The following CPEB3 variants were observed in gnomAD, a reference collection of about 807,000 sequenced individuals.
CPEB3 encodes the protein cytoplasmic polyadenylation element-binding protein 3.
In CPEB3, 20 loss-of-function variants were observed where a neutral mutation model predicts 67.2. The ratio of observed to expected loss-of-function variants is 0.30; its 90% confidence interval spans 0.21 to 0.43. CPEB3 has a LOEUF of 0.43. CPEB3 is among the 20% of genes least tolerant of loss of function. The pLI, the probability that CPEB3 is intolerant of heterozygous loss-of-function variation, is 1.00. For missense variants in CPEB3, 746 were observed against 968.6 expected, an observed-to-expected ratio of 0.77 and a Z score of 3.05; for synonymous variants, 376 against 393.1, an observed-to-expected ratio of 0.96 and a Z score of 0.51.
intron 8 of CPEB3, among the ~76,000 whole-genome samples, chr10:92,091,203 G>T (rs547695554): frequency 6.6e-6 from 1 of 152,142 alleles, no homozygotes; most frequent in African/African-American, 2.4e-5. Flanking sequence ...AGTGGCAACA[G>T]TAACTTTTTT....
At chr10:92,183,407 T>C (rs1389882746) in intron 3 of CPEB3, among the ~76,000 whole-genome samples, 2 of 152,172 alleles carry the variant, frequency 1.3e-5, no homozygotes, top group Non-Finnish European at 2.9e-5. Flanking sequence ...TCAGAACCTA[T>C]AATAGGAAAA....
rs78393283 is a variant in CPEB3 at position 92,237,503 on chromosome 10, G to A, written c.1005+1843C>T. On this transcript the variant is annotated intron_variant, in intron 2 of 9. Transcript: ENST00000265997. ...ACTCCTCGTCAATATCAGGTTTGAC[G>A]AAACTATGTGGATTTAATCTCTCCC... 3.3e-3 allele frequency among the ~76,000 whole-genome samples: 499 copies of A among 152,248 alleles called. 3 individuals carry two copies. The highest frequency in any genetic ancestry group is 0.011 in the African/African-American group (476 of 41,528).
chr10:92,274,064 T>C (rs1028424910), intron 1 of CPEB3, among the ~76,000 whole-genome samples: 3 of 152,226 alleles, frequency 2.0e-5, no homozygotes, highest in African/African-American at 4.8e-5. Context: ...TTATACTTTC[T>C]GACGTCAGCT....
chr10:92,185,449 T>C (rs749850450), intron 3 of CPEB3, among the ~76,000 whole-genome samples: 17 of 152,252 alleles, frequency 1.1e-4, no homozygotes, highest in Non-Finnish European at 2.2e-4. Flanking sequence ...ATAAGCTCAA[T>C]TCACATTCAT....
At chr10:92,167,677 C>G (rs942707574) in intron 4 of CPEB3, among the ~76,000 whole-genome samples, 4 of 152,160 alleles carry the variant, frequency 2.6e-5, no homozygotes, top group African/African-American at 9.7e-5. Context: ...GAAGCCGAAG[C>G]AGGTGAATCA....
At chr10:92,140,587 A>G (rs1183897298) in intron 6 of CPEB3, among the ~76,000 whole-genome samples, 47 of 151,722 alleles carry the variant, frequency 3.1e-4, no homozygotes, top group Non-Finnish European at 6.3e-4. Context: ...CTTCATGTCT[A>G]AAACAGCAAA....
At chr10:92,084,392 T>A (rs773461285) in intron 8 of CPEB3, among the ~76,000 whole-genome samples, 3 of 152,156 alleles carry the variant, frequency 2.0e-5, no homozygotes, top group African/African-American at 4.8e-5. Flanking sequence ...TATGAACTTA[T>A]ATGTAGTTGC....
intron 6 of CPEB3, among the ~76,000 whole-genome samples, chr10:92,116,252 T>TAAA (rs1208917572): frequency 2.1e-5 from 3 of 145,882 alleles, no homozygotes; most frequent in African/African-American, 7.5e-5. Flanking sequence ...CACCTTCCAG[T>TAAA]AAAAAAAAAA....
At chr10:92,125,443 T>C (rs997019833) in intron 6 of CPEB3, among the ~76,000 whole-genome samples, 5 of 152,192 alleles carry the variant, frequency 3.3e-5, no homozygotes, top group Non-Finnish European at 7.3e-5. Context: ...GCTGTGCTCA[T>C]TGCACAGCAG....
chr10:92,252,717 G>A (rs1451721522), intron 1 of CPEB3, among the ~76,000 whole-genome samples: 1 of 151,710 alleles, frequency 6.6e-6, no homozygotes, highest in Admixed American at 6.6e-5. Flanking sequence ...TGAGGGTTTT[G>A]CCGTGTTGCC....
chr10:92,199,598 C>T (rs531983088), intron 2 of CPEB3, among the ~76,000 whole-genome samples: 50 of 145,234 alleles, frequency 3.4e-4, no homozygotes, highest in African/African-American at 1.2e-3. Flanking sequence ...GCAGGAGAAT[C>T]GCTTGAACCT....
intron 1 of CPEB3, among the ~76,000 whole-genome samples, chr10:92,241,948 G>GT (rs1851869183): frequency 6.6e-6 from 1 of 152,090 alleles, no homozygotes; most frequent in East Asian, 1.9e-4. Flanking sequence ...ATCTTTCTCA[G>GT]GACACTTGTG....
At chr10:92,062,837 A>AT (rs1842406687) in intron 9 of CPEB3, among the ~76,000 whole-genome samples, 1 of 152,222 alleles carries the variant, frequency 6.6e-6, no homozygotes, top group East Asian at 1.9e-4. Context: ...TAAAGCTCAA[A>AT]TATTAGAGTC....
chr10:92,227,569 C>T (rs1240189325), intron 2 of CPEB3, among the ~76,000 whole-genome samples: 4 of 151,916 alleles, frequency 2.6e-5, no homozygotes, highest in Non-Finnish European at 5.9e-5. Context: ...CTGGTTACAA[C>T]ATCTTTATTT....
intron 6 of CPEB3, among the ~76,000 whole-genome samples, chr10:92,128,317 T>C (rs1254863088): frequency 6.6e-6 from 1 of 152,218 alleles, no homozygotes; most frequent in African/African-American, 2.4e-5. Flanking sequence ...TGATAGCTGA[T>C]AGGCTAAAAA....
At chr10:92,227,646 A>G (rs1475454663) in intron 2 of CPEB3, among the ~76,000 whole-genome samples, 1 of 144,354 alleles carries the variant, frequency 6.9e-6, no homozygotes, top group Non-Finnish European at 1.5e-5. Context: ...GCTGGAGTGC[A>G]GTGGCGCGAT....
chr10:92,050,512 CATT>C lies in CPEB3; in HGVS notation c.*1697_*1699del, dbSNP rs1841863637. The C allele has an allele frequency of 1.3e-5, 2 of 152,594 alleles. No homozygotes were observed. Among genetic ancestry groups the C allele is most frequent in the Admixed American group, 1.3e-4 (2 of 15,278 alleles). 9.5% of individuals were successfully genotyped at this position (152,594 alleles called of 1,614,324 possible). Reference sequence around the variant, plus strand: ...AAAAAGATTTACATAGTCTTGCAATCATTGTGTGTGTTTATATATTACTATCTG... The same window carrying C: ...AAAAAGATTTACATAGTCTTGCAATCGTGTGTGTTTATATATTACTATCTG... On this transcript the variant is annotated 3_prime_UTR_variant, in exon 10 of 10. Coordinates refer to ENST00000265997, the MANE Select transcript of CPEB3 (RefSeq NM_014912.5).
intron 5 of CPEB3, among the ~76,000 whole-genome samples, chr10:92,143,480 A>C (rs1321118924): frequency 6.6e-6 from 1 of 152,236 alleles, no homozygotes; most frequent in African/African-American, 2.4e-5. Context: ...AGTAAGGTAC[A>C]GAAAATATTT....
At chr10:92,062,768 C>T (rs1343189004) in intron 9 of CPEB3, among the ~76,000 whole-genome samples, 1 of 152,204 alleles carries the variant, frequency 6.6e-6, no homozygotes, top group East Asian at 1.9e-4. Flanking sequence ...ATATCATTAA[C>T]CTATGATACT....
Sources: gnomAD v4.1 joint callset for allele counts (sites outside exome capture counted in the v4.1 genomes callset) on GRCh38, gnomAD v4.1.1 for gene constraint, MANE v1.5 for transcripts, NCBI Gene and HGNC (gene_info 2026-07-23, HGNC 2026-07-21) for gene names.